Variants in MEIKIN observed in about 807,000 individuals in gnomAD.
MEIKIN encodes the protein meiotic kinetochore factor.
chr5:131,813,533 T>A (rs1045348599), intron 12 of MEIKIN, among the ~76,000 whole-genome samples: 4 of 151,620 alleles, frequency 2.6e-5, no homozygotes, highest in Non-Finnish European at 5.9e-5. Flanking sequence ...TTCACGCCAT[T>A]CTCCTGCCTC....
At chr5:131,832,594 C>T (rs1272851647) in intron 11 of MEIKIN, among the ~76,000 whole-genome samples, 1 of 152,246 alleles carries the variant, frequency 6.6e-6, no homozygotes, top group East Asian at 1.9e-4. Flanking sequence ...TCCAACCCCA[C>T]ATTTCCCTTC....
intron 11 of MEIKIN, among the ~76,000 whole-genome samples, chr5:131,837,514 G>A (rs1353856395): frequency 6.6e-6 from 1 of 152,042 alleles, no homozygotes; most frequent in Non-Finnish European, 1.5e-5. Context: ...CCATTTGTTT[G>A]TGTCATCTCT....
intron 11 of MEIKIN, among the ~76,000 whole-genome samples, chr5:131,821,314 C>T (rs962572347): frequency 1.1e-4 from 16 of 152,126 alleles, no homozygotes; most frequent in Non-Finnish European, 7.4e-5. Context: ...TTCCAAAATT[C>T]CTCATTATTG....
chr5:131,927,701 T>C (rs893091465), intron 5 of MEIKIN, among the ~76,000 whole-genome samples: 1 of 152,238 alleles, frequency 6.6e-6, no homozygotes, highest in Non-Finnish European at 1.5e-5. Flanking sequence ...CCTTTTATTA[T>C]TATTTTTGTT....
intron 4 of MEIKIN, among the ~76,000 whole-genome samples, chr5:131,936,306 G>GT (rs1751776137): frequency 6.6e-6 from 1 of 152,118 alleles, no homozygotes; most frequent in South Asian, 2.1e-4. Flanking sequence ...GCAATCTCTT[G>GT]TATCATATCT....
At chr5:131,936,179 T>C (rs1751772991) in intron 4 of MEIKIN, among the ~76,000 whole-genome samples, 1 of 152,240 alleles carries the variant, frequency 6.6e-6, no homozygotes, top group African/African-American at 2.4e-5. Context: ...GCTGTATCAG[T>C]GGGAGGCTGT....
chr5:131,943,991 C>T (rs1651056976), intron 3 of MEIKIN, among the ~76,000 whole-genome samples: 2 of 151,824 alleles, frequency 1.3e-5, no homozygotes, highest in Admixed American at 6.6e-5. Context: ...CCTGTAATCA[C>T]ATCTACTCAG....
chr5:131,863,247 G>A (rs2149620404), intron 9 of MEIKIN, among the ~76,000 whole-genome samples: 1 of 152,272 alleles, frequency 6.6e-6, no homozygotes, highest in Admixed American at 6.5e-5. Context: ...TAAATGAGAA[G>A]AACGTTAATA....
intron 8 of MEIKIN, among the ~76,000 whole-genome samples, chr5:131,903,691 G>T (rs555530603): frequency 6.6e-6 from 1 of 152,178 alleles, no homozygotes; most frequent in South Asian, 2.1e-4. Flanking sequence ...ACACACTTAA[G>T]TACATAGACA....
chr5:131,875,571 C>A lies in MEIKIN; in HGVS notation c.774+3407G>T, dbSNP rs185461784. 8.9e-3 allele frequency among the ~76,000 whole-genome samples: 1,352 copies of A among 152,088 alleles called. 24 individuals are homozygous for A. Among genetic ancestry groups the A allele is most frequent in the African/African-American group, 0.031 (1,281 of 41,504 alleles). On this transcript the variant is annotated intron_variant, in intron 9 of 12. Transcript: ENST00000442687. ...TATCGTGAAAATGGCCATACTGCCC[C>A]AGGTAATTTATAGATTCAATGCCAT...
intron 10 of MEIKIN, among the ~76,000 whole-genome samples, chr5:131,854,264 T>A (rs1406737245): frequency 6.6e-6 from 1 of 152,190 alleles, no homozygotes; most frequent in Non-Finnish European, 1.5e-5. Flanking sequence ...ATGGTTCCAC[T>A]TATATGAGGT....
At chr5:131,884,187 G>A (rs918881311) in intron 8 of MEIKIN, among the ~76,000 whole-genome samples, 3 of 152,158 alleles carry the variant, frequency 2.0e-5, no homozygotes, top group African/African-American at 7.2e-5. Context: ...GAGCGGGGAT[G>A]TGACCTACTG....
intron 5 of MEIKIN, among the ~76,000 whole-genome samples, chr5:131,930,691 T>C (rs574927052): frequency 9.7e-4 from 148 of 152,218 alleles, no homozygotes; most frequent in African/African-American, 3.4e-3. Context: ...TGCAGTAGCA[T>C]AATCATAGCT....
intron 9 of MEIKIN, among the ~76,000 whole-genome samples, chr5:131,872,337 A>G (rs1383672588): frequency 2.0e-5 from 3 of 152,256 alleles, no homozygotes; most frequent in Non-Finnish European, 4.4e-5. Flanking sequence ...CGGCACGAGA[A>G]CTATGTGACG....
In MEIKIN at chr5:131,920,921, C is replaced by G. The variant is rs1175392700; in HGVS notation, c.598+901G>C. 2.0e-5 allele frequency among the ~76,000 whole-genome samples: 3 copies of G among 151,910 alleles called. No homozygotes were observed. The East Asian group carries it at 5.8e-4, about 29-fold the overall frequency. ...CTCACTATGTTGCCCAGGCTGGTCT[C>G]AAACTCCTCGCCTCAAGCAGTCCTC... On this transcript the variant is annotated intron_variant, in intron 6 of 12. Coordinates refer to ENST00000442687, the MANE Select transcript of MEIKIN (RefSeq NM_001303622.2).
chr5:131,856,259 AC>A (rs1750191599), intron 9 of MEIKIN, among the ~76,000 whole-genome samples: 1 of 152,160 alleles, frequency 6.6e-6, no homozygotes, highest in African/African-American at 2.4e-5. Flanking sequence ...TGTAAAAAGA[AC>A]CTATGGTGTC....
chr5:131,911,103 G>T (rs1166077857), intron 8 of MEIKIN, among the ~76,000 whole-genome samples: 2 of 152,086 alleles, frequency 1.3e-5, no homozygotes, highest in Non-Finnish European at 1.5e-5. Context: ...GCTTTTACAA[G>T]ATTAGTTTTT....
chr5:131,838,388 C>A (rs925649460), intron 11 of MEIKIN, among the ~76,000 whole-genome samples: 6 of 151,910 alleles, frequency 3.9e-5, no homozygotes, highest in African/African-American at 1.5e-4. Context: ...AGAGGGGAGT[C>A]CCTCATTTTC....
chr5:131,844,213 G>T (rs2149612503), intron 11 of MEIKIN, among the ~76,000 whole-genome samples: 1 of 151,938 alleles, frequency 6.6e-6, no homozygotes, highest in South Asian at 2.1e-4. Context: ...CCCAACACTG[G>T]GAATACAATT....
Sources: allele counts gnomAD v4.1 joint callset (sites outside exome capture counted in the v4.1 genomes callset), GRCh38; gene constraint gnomAD v4.1.1; transcripts MANE v1.5; gene names NCBI Gene and HGNC (gene_info 2026-07-23, HGNC 2026-07-21).